Variants in CFAP92 observed in about 807,000 individuals in gnomAD.
The protein encoded by CFAP92 is cilia and flagella associated protein 92 (putative), also known as uncharacterized protein CFAP92.
In CFAP92, 86 loss-of-function variants were observed where a neutral mutation model predicts 106.3. The ratio of observed to expected loss-of-function variants is 0.81; its 90% CI spans 0.68 to 0.97. The LOEUF is 0.97. CFAP92 is among the 50% of genes least tolerant of loss of function. The probability of loss-of-function intolerance (pLI) is 0.00; values close to 1 mark genes in which losing one functional copy is unlikely to be tolerated. For synonymous variants in CFAP92, 477 were observed against 506.4 expected (o/e 0.94, Z 0.78); for missense variants, 1,204 against 1,283.8 (o/e 0.94, Z 0.95).
At chr3:128,991,874 A>G (rs1354433924) in intron 2 of CFAP92, 2 of 987,098 alleles carry the variant, frequency 2.0e-6, no homozygotes, top group Non-Finnish European at 2.4e-6. Flanking sequence ...AGCAAGGTCT[A>G]TCAAGATGTG....
intron 9 of CFAP92, among the ~76,000 whole-genome samples, chr3:128,961,211 A>C (rs1283153699): frequency 6.6e-6 from 1 of 152,228 alleles, no homozygotes; most frequent in Non-Finnish European, 1.5e-5. Context: ...TAAAATAGGC[A>C]AACGGTCTGA....
At chr3:128,975,363 G>A (rs965130310) in intron 7 of CFAP92, among the ~76,000 whole-genome samples, 4 of 152,152 alleles carry the variant, frequency 2.6e-5, no homozygotes. Context: ...TGGATGATGA[G>A]GGTGAGTGAA....
At chr3:129,019,027 C>T in the CFAP92 span, among the ~76,000 whole-genome samples, 1 of 152,334 alleles carries the variant, frequency 6.6e-6, no homozygotes, top group African/African-American at 2.4e-5. Context: ...CTCCCCCACA[C>T]CACCGTGCAG....
intron 15 of CFAP92, chr3:128,912,727 C>A: frequency 1.0e-6 from 1 of 973,434 alleles, no homozygotes; most frequent in Non-Finnish European, 1.6e-6. Flanking sequence ...TGTTCCCCGT[C>A]TGCACCTGAA....
chr3:128,951,952 G>A (rs1385709640), intron 9 of CFAP92, among the ~76,000 whole-genome samples: 1 of 152,112 alleles, frequency 6.6e-6, no homozygotes, highest in Admixed American at 6.5e-5. Context: ...GTCCACAAGA[G>A]CAGTAACAAG....
rs367974834 is a variant in CFAP92 at position 128,910,125 on chromosome 3, T to A, written c.*174A>T. ...CGCGGGCCAGCCGCTCCATCCGCAT[T>A]GGGCTCCGCAACCACGACCACGAGG... On this transcript the variant is annotated 3_prime_UTR_variant, in exon 16 of 16. Transcript: ENST00000645291. 8.1e-6 allele frequency: 13 copies of A among 1,613,940 alleles called. No individual in the cohort carries two copies. In the African/African-American group the frequency reaches 1.3e-4, roughly 17 times the overall value.
chr3:128,918,539 G>C (rs1054678747), intron 12 of CFAP92, among the ~76,000 whole-genome samples: 2 of 152,170 alleles, frequency 1.3e-5, no homozygotes, highest in African/African-American at 4.8e-5. Context: ...ACATGCAGGA[G>C]GATTCAAGGT....
chr3:129,015,742 TG>T, the CFAP92 span, among the ~76,000 whole-genome samples: 20 of 141,556 alleles, frequency 1.4e-4, 1 homozygote, highest in Admixed American at 4.9e-4. Context: ...CCCCACCCCT[TG>T]TGATTTATTT....
intron 4 of CFAP92, among the ~76,000 whole-genome samples, chr3:128,985,813 T>C (rs904943134): frequency 7.2e-5 from 11 of 152,194 alleles, no homozygotes; most frequent in Admixed American, 6.5e-5. Context: ...CTACGACTTG[T>C]AGTGTAGGTA....
At chr3:128,919,207 G>A (rs1478871684) in intron 12 of CFAP92, among the ~76,000 whole-genome samples, 1 of 150,910 alleles carries the variant, frequency 6.6e-6, no homozygotes, top group African/African-American at 2.4e-5. Flanking sequence ...GCTTCCCAAA[G>A]TGTTGGGATT....
In CFAP92 at chr3:128,977,025, C is replaced by T. The variant is rs1943201921; in HGVS notation, c.850G>A (p.Glu284Lys). 6.2e-7 allele frequency: 1 copy of T among 1,613,782 alleles called. No homozygotes were observed. Among genetic ancestry groups the T allele is most frequent in the South Asian group, 1.1e-5 (1 of 91,072 alleles). ...AEPETSSKNS[E>K]EYEKSLKMDD... ...ATTTTGAGGGACTTCTCATATTCCT[C>T]ACTGTTCTTGGAAGAAGTTTCGGGC... The change falls in exon 6 of 16, where the codon GAG becomes AAG. Residue 284 changes from glutamate (E) to lysine (K), a missense_variant. Physicochemically the swap from Glu to Lys is moderately conservative, Grantham distance 56. Transcript: ENST00000645291.
intron 12 of CFAP92, among the ~76,000 whole-genome samples, chr3:128,917,874 C>A (rs1936947112): frequency 6.6e-6 from 1 of 152,018 alleles, no homozygotes; most frequent in South Asian, 2.1e-4. Context: ...TAACAGAAAT[C>A]CCAAAAGGAG....
intron 7 of CFAP92, among the ~76,000 whole-genome samples, chr3:128,973,604 C>T (rs1299767732): frequency 6.6e-6 from 1 of 150,808 alleles, no homozygotes; most frequent in Non-Finnish European, 1.5e-5. Flanking sequence ...TGTGGTGAGC[C>T]GAGATCGCGC....
intron 12 of CFAP92, among the ~76,000 whole-genome samples, chr3:128,923,306 C>T (rs552918389): frequency 3.9e-5 from 6 of 152,300 alleles, no homozygotes; most frequent in Admixed American, 2.6e-4. Flanking sequence ...ACTGGAGTCA[C>T]GCTGACATCA....
chr3:128,965,124 T>C (rs1942272472), intron 9 of CFAP92, among the ~76,000 whole-genome samples: 1 of 152,168 alleles, frequency 6.6e-6, no homozygotes, highest in Admixed American at 6.5e-5. Context: ...AACTGATCAA[T>C]GTACTTTGTA....
chr3:128,951,308 A>G (rs1940780348), intron 9 of CFAP92, among the ~76,000 whole-genome samples: 1 of 152,122 alleles, frequency 6.6e-6, no homozygotes, highest in African/African-American at 2.4e-5. Flanking sequence ...GGGGGAAAAA[A>G]ATGAAGAAAT....
chr3:128,981,182 G>C (rs535320798), intron 4 of CFAP92, among the ~76,000 whole-genome samples: 1 of 144,312 alleles, frequency 6.9e-6, no homozygotes, highest in Non-Finnish European at 1.5e-5. Context: ...GACTACAGGC[G>C]CCCACCACCA....
intron 1 of CFAP92, chr3:129,002,414 T>C: frequency 1.4e-6 from 2 of 1,431,044 alleles, no homozygotes; most frequent in South Asian, 2.9e-5. Context: ...CAGGACAGAG[T>C]CAGAGGAAGG....
chr3:128,942,476 C>T (rs569097555), intron 10 of CFAP92, among the ~76,000 whole-genome samples: 2 of 152,248 alleles, frequency 1.3e-5, no homozygotes, highest in East Asian at 3.9e-4. Flanking sequence ...TCTGCATGAC[C>T]CAAAGCCCCC....
Sources: allele counts gnomAD v4.1 joint callset (sites outside exome capture counted in the v4.1 genomes callset), GRCh38; gene constraint gnomAD v4.1.1; transcripts MANE v1.5; gene names NCBI Gene and HGNC (gene_info 2026-07-23, HGNC 2026-07-21).